The following MAGI1 variants were observed in gnomAD, a reference collection of about 807,000 sequenced individuals.
The protein encoded by MAGI1 is membrane associated guanylate kinase, WW and PDZ domain containing 1.
A neutral mutation model predicts 139.9 loss-of-function variants in MAGI1; 58 were observed. That is an observed-to-expected ratio of 0.41 (90% CI 0.34 to 0.52). The LOEUF (loss-of-function observed/expected upper bound fraction) is 0.52. Ranked by LOEUF, MAGI1 falls within the 20% of genes least tolerant of loss-of-function variation. The pLI is 0.12. For missense variants in MAGI1, 1,874 were observed against 1,901.6 expected (o/e 0.99, Z 0.27); for synonymous variants, 812 against 737.9 (o/e 1.10, Z -1.63).
chr3:65,392,927 A>T (rs1487318059), intron 13 of MAGI1, among the ~76,000 whole-genome samples: 2 of 152,184 alleles, frequency 1.3e-5, no homozygotes, highest in Non-Finnish European at 2.9e-5. Flanking sequence ...ATTCTAACCT[A>T]TCCTGGAGGT....
intron 1 of MAGI1, among the ~76,000 whole-genome samples, chr3:65,654,195 T>TA (rs1199435265): frequency 2.0e-5 from 3 of 152,164 alleles, no homozygotes; most frequent in Non-Finnish European, 4.4e-5. Context: ...AATGAAAAGA[T>TA]TTATCACCTG....
rs71102867 is a variant in MAGI1, at chr3:65,516,718, C to CTTTTTTTTTT, written c.431-23097_431-23088dup. On this transcript the variant is annotated intron_variant, in intron 2 of 22. Transcript: ENST00000402939. Reference sequence around the variant, plus strand: ...GGAAGAAACATAGTACATCCCACCTCTTTTTTTTTTTTTTTTTTTTTTTTT... The same window carrying CTTTTTTTTTT: ...GGAAGAAACATAGTACATCCCACCTCTTTTTTTTTTTTTTTTTTTTTTTTTTTTTTTTTTT... Among the ~76,000 whole-genome samples, 105 of 66,996 alleles carry CTTTTTTTTTT rather than the reference C, an allele frequency of 1.6e-3. 15 individuals carry two copies. The highest frequency in any genetic ancestry group is 4.0e-3 in the African/African-American group (71 of 17,572). 44.0% of individuals were successfully genotyped at this position (66,996 alleles called of 152,430 possible). A position where few individuals can be genotyped will look rare whatever the true frequency, so the allele number is the denominator to read the frequency against.
chr3:65,773,943 G>A (rs963148725), intron 1 of MAGI1, among the ~76,000 whole-genome samples: 7 of 151,674 alleles, frequency 4.6e-5, no homozygotes, highest in African/African-American at 1.5e-4. Flanking sequence ...ATTTCTTCCC[G>A]GGAACGATAT....
chr3:65,667,436 G>A (rs991207264), intron 1 of MAGI1, among the ~76,000 whole-genome samples: 2 of 152,212 alleles, frequency 1.3e-5, no homozygotes, highest in Non-Finnish European at 1.5e-5. Context: ...AGATGCTACC[G>A]CATGAGAAGT....
At chr3:65,546,122 T>C (rs1435618717) in intron 2 of MAGI1, among the ~76,000 whole-genome samples, 1 of 152,096 alleles carries the variant, frequency 6.6e-6, no homozygotes, top group Non-Finnish European at 1.5e-5. Flanking sequence ...CATATAAACA[T>C]ACATTTAAAA....
chr3:65,693,452 T>C (rs57040221), intron 1 of MAGI1, among the ~76,000 whole-genome samples: 46,575 of 151,882 alleles, frequency 0.31, 7,227 homozygotes, highest in East Asian at 0.43. Context: ...CCATAAAATA[T>C]AGCACAAGAA....
chr3:65,458,369 T>C (rs892325628), intron 5 of MAGI1, among the ~76,000 whole-genome samples: 1 of 151,834 alleles, frequency 6.6e-6, no homozygotes, highest in African/African-American at 2.4e-5. Flanking sequence ...TTTGTTTTTT[T>C]TTTTTGGAGG....
Position 66,027,819 on chromosome 3 carries a change from T to C in MAGI1, c.313+10177A>G, listed in dbSNP as rs570870953. 5.6e-4 allele frequency among the ~76,000 whole-genome samples: 85 copies of C among 152,282 alleles called. No homozygotes were observed. In the South Asian group the frequency reaches 8.1e-3, roughly 15 times the overall value. On this transcript the variant is annotated intron_variant, in intron 1 of 22. Coordinates refer to ENST00000402939, the MANE Select transcript of MAGI1 (RefSeq NM_001033057.2). ...ATAATTCTCCCTTGAGGGGCTGTTG[T>C]GTACATTGTGGGGTGTTCAGCAGGG...
At chr3:65,517,875 A>C (rs1198938316) in intron 2 of MAGI1, among the ~76,000 whole-genome samples, 3 of 152,118 alleles carry the variant, frequency 2.0e-5, no homozygotes, top group Non-Finnish European at 4.4e-5. Context: ...CTCCAACACC[A>C]ATTCCCCATA....
At chr3:66,012,963 G>C (rs1267273047) in intron 1 of MAGI1, among the ~76,000 whole-genome samples, 1 of 152,114 alleles carries the variant, frequency 6.6e-6, no homozygotes, top group Non-Finnish European at 1.5e-5. Flanking sequence ...AGCCAACTCT[G>C]AAGCCCACTC....
intron 2 of MAGI1, among the ~76,000 whole-genome samples, chr3:65,551,408 C>T (rs773983005): frequency 6.6e-6 from 1 of 152,188 alleles, no homozygotes; most frequent in Non-Finnish European, 1.5e-5. Flanking sequence ...TCAAGCGATT[C>T]TCACGCCTCA....
At chr3:65,563,473 A>G (rs997718029) in intron 2 of MAGI1, among the ~76,000 whole-genome samples, 3 of 152,152 alleles carry the variant, frequency 2.0e-5, no homozygotes, top group South Asian at 2.1e-4. Flanking sequence ...GTCATAAAAG[A>G]CATTAAAACT....
chr3:65,790,849 C>T (rs1191192660), intron 1 of MAGI1, among the ~76,000 whole-genome samples: 1 of 152,090 alleles, frequency 6.6e-6, no homozygotes, highest in Non-Finnish European at 1.5e-5. Context: ...CCAAGGCAGG[C>T]AGATCACTTG....
chr3:65,475,258 G>C (rs1247182533), intron 4 of MAGI1, among the ~76,000 whole-genome samples: 1 of 152,078 alleles, frequency 6.6e-6, no homozygotes, highest in South Asian at 2.1e-4. Flanking sequence ...CTGTCACCCA[G>C]GCTGGAGTAC....
intron 1 of MAGI1, among the ~76,000 whole-genome samples, chr3:66,013,202 G>A (rs2067424776): frequency 6.6e-6 from 1 of 151,918 alleles, no homozygotes; most frequent in Non-Finnish European, 1.5e-5. Context: ...TCAGGAGTTT[G>A]AGACCAGCCT....
chr3:66,017,084 C>T (rs1283129481), intron 1 of MAGI1, among the ~76,000 whole-genome samples: 1 of 152,168 alleles, frequency 6.6e-6, no homozygotes, highest in Non-Finnish European at 1.5e-5. Flanking sequence ...CCTGAATATA[C>T]TTAATGCCAC....
intron 22 of MAGI1, among the ~76,000 whole-genome samples, chr3:65,357,987 C>T (rs977010009): frequency 6.6e-6 from 1 of 152,112 alleles, no homozygotes; most frequent in Non-Finnish European, 1.5e-5. Flanking sequence ...GCTAAGTACA[C>T]ATTTGAGATT....
chr3:65,849,184 T>C (rs1028931049), intron 1 of MAGI1, among the ~76,000 whole-genome samples: 1 of 151,512 alleles, frequency 6.6e-6, no homozygotes, highest in African/African-American at 2.4e-5. Flanking sequence ...CCACCACGCC[T>C]GACTAAGTTT....
chr3:65,723,633 A>T (rs1313444994), intron 1 of MAGI1, among the ~76,000 whole-genome samples: 1 of 152,242 alleles, frequency 6.6e-6, no homozygotes, highest in Non-Finnish European at 1.5e-5. Context: ...TAGCAACATC[A>T]GTCGACACAG....
Sources: gnomAD v4.1 joint callset for allele counts (sites outside exome capture counted in the v4.1 genomes callset) on GRCh38, gnomAD v4.1.1 for gene constraint, MANE v1.5 for transcripts, NCBI Gene and HGNC (gene_info 2026-07-23, HGNC 2026-07-21) for gene names.